Variants in DPP10 observed in about 807,000 individuals in gnomAD.
DPP10 encodes dipeptidyl peptidase like 10, also known as inactive dipeptidyl peptidase 10.
A neutral mutation model predicts 120.9 loss-of-function variants in DPP10; 33 were observed. That is an observed-to-expected ratio of 0.27 (90% CI 0.21 to 0.37). The LOEUF is 0.37. DPP10 is among the 10% of genes least tolerant of loss of function. The pLI is 1.00. For missense variants in DPP10, 816 were observed against 942.8 expected (o/e 0.87, Z 1.76); for synonymous variants, 337 against 326.1 (o/e 1.03, Z -0.36).
intron 1 of DPP10, among the ~76,000 whole-genome samples, chr2:115,249,173 A>T (rs1457214433): frequency 6.6e-6 from 1 of 152,156 alleles, no homozygotes; most frequent in Non-Finnish European, 1.5e-5. Flanking sequence ...CGATACACAG[A>T]TGAATCTGAC....
chr2:115,343,055 CA>C (rs2063527496), intron 2 of DPP10, among the ~76,000 whole-genome samples: 1 of 152,098 alleles, frequency 6.6e-6, no homozygotes, highest in Non-Finnish European at 1.5e-5. Flanking sequence ...AGCAAATAAA[CA>C]ATGTTATTAT....
chr2:114,859,727 G>A (rs976660926), intron 1 of DPP10, among the ~76,000 whole-genome samples: 2 of 152,000 alleles, frequency 1.3e-5, no homozygotes, highest in African/African-American at 4.8e-5. Flanking sequence ...CACCTATCTG[G>A]GATCTTTTTC....
intron 1 of DPP10, among the ~76,000 whole-genome samples, chr2:115,191,487 T>G (rs2054877656): frequency 1.3e-5 from 2 of 152,202 alleles, no homozygotes; most frequent in Admixed American, 6.5e-5. Context: ...TGTAATAGTT[T>G]GAGGCAGAAT....
chr2:114,772,674 T>C (rs1298384956), intron 1 of DPP10, among the ~76,000 whole-genome samples: 2 of 151,496 alleles, frequency 1.3e-5, no homozygotes, highest in Non-Finnish European at 2.9e-5. Context: ...TTTTTTTTTT[T>C]CAGCTAAAGC....
At chr2:115,609,150 G>C (rs551905384) in intron 5 of DPP10, among the ~76,000 whole-genome samples, 6 of 152,110 alleles carry the variant, frequency 3.9e-5, no homozygotes, top group East Asian at 3.9e-4. Flanking sequence ...TCTCAGAAAG[G>C]GTCTTCATAA....
At chr2:115,572,135 T>C (rs1019765378) in intron 5 of DPP10, among the ~76,000 whole-genome samples, 6 of 151,838 alleles carry the variant, frequency 4.0e-5, no homozygotes, top group African/African-American at 1.2e-4. Context: ...CTACATTTTA[T>C]CAAGATTAAA....
At chr2:115,833,690 A>G (rs1004875251) in intron 21 of DPP10, among the ~76,000 whole-genome samples, 2 of 152,194 alleles carry the variant, frequency 1.3e-5, no homozygotes, top group South Asian at 2.1e-4. Context: ...CAAAATTACT[A>G]AAAATATTCT....
At chr2:115,772,860 ATT>A (rs1681641311) in intron 13 of DPP10, among the ~76,000 whole-genome samples, 1 of 152,132 alleles carries the variant, frequency 6.6e-6, no homozygotes, top group Non-Finnish European at 1.5e-5. Context: ...AGTCGTTCAG[ATT>A]CATAGGCGTA....
At chr2:115,219,554 A>G (rs1425086451) in intron 1 of DPP10, among the ~76,000 whole-genome samples, 1 of 152,216 alleles carries the variant, frequency 6.6e-6, no homozygotes, top group Non-Finnish European at 1.5e-5. Context: ...GACAGAAATT[A>G]TAACAATAAA....
intron 1 of DPP10, among the ~76,000 whole-genome samples, chr2:114,884,868 T>G (rs1364864887): frequency 1.3e-5 from 2 of 152,148 alleles, no homozygotes; most frequent in East Asian, 3.9e-4. Flanking sequence ...CCAATACAAG[T>G]TGGAGAGATT....
At chr2:114,455,177 T>TGTGTG (rs1678498188) in intron 1 of DPP10, among the ~76,000 whole-genome samples, 1 of 151,756 alleles carries the variant, frequency 6.6e-6, no homozygotes. Context: ...TGTGTGTGTG[T>TGTGTG]GTGTGTGTGT....
chr2:114,529,347 C>T (rs1685766735), intron 1 of DPP10, among the ~76,000 whole-genome samples: 1 of 152,158 alleles, frequency 6.6e-6, no homozygotes, highest in Non-Finnish European at 1.5e-5. Flanking sequence ...GCTCTTCATC[C>T]TCTAGAGAGT....
At chr2:115,487,046 A>C (rs973020724) in intron 3 of DPP10, among the ~76,000 whole-genome samples, 3 of 152,134 alleles carry the variant, frequency 2.0e-5, no homozygotes, top group African/African-American at 7.2e-5. Context: ...ATCTAACTTT[A>C]TCTTATTTAC....
At chr2:114,473,667 A>C (rs1281265065) in intron 1 of DPP10, among the ~76,000 whole-genome samples, 1 of 152,130 alleles carries the variant, frequency 6.6e-6, no homozygotes, top group East Asian at 1.9e-4. Flanking sequence ...ACCTTAGAGG[A>C]CTCATGAAGT....
chr2:115,617,213 T>G (rs1266522856), intron 5 of DPP10, among the ~76,000 whole-genome samples: 1 of 148,098 alleles, frequency 6.8e-6, no homozygotes, highest in Non-Finnish European at 1.5e-5. Context: ...CCCCCAGTAA[T>G]GCTTAAAACC....
chr2:115,555,274 C>T (rs186917840), intron 5 of DPP10, among the ~76,000 whole-genome samples: 7 of 152,136 alleles, frequency 4.6e-5, no homozygotes, highest in Admixed American at 1.3e-4. Flanking sequence ...TGCCCTCTTA[C>T]GTTTGGAGCT....
chr2:114,852,667 G>A (rs1218131670), intron 1 of DPP10, among the ~76,000 whole-genome samples: 1 of 152,182 alleles, frequency 6.6e-6, no homozygotes, highest in Non-Finnish European at 1.5e-5. Flanking sequence ...GGATATCGTG[G>A]AACAACTGTA....
chr2:115,489,945 C>A (rs2076013232), intron 3 of DPP10, among the ~76,000 whole-genome samples: 1 of 152,052 alleles, frequency 6.6e-6, no homozygotes, highest in South Asian at 2.1e-4. Context: ...CCTTTACAAC[C>A]CCCTTTAATC....
chr2:115,149,851 A>C (rs1475240724), intron 1 of DPP10, among the ~76,000 whole-genome samples: 1 of 152,216 alleles, frequency 6.6e-6, no homozygotes, highest in African/African-American at 2.4e-5. Context: ...TCTGAAACTC[A>C]AATTTAATTG....
Sources: allele counts gnomAD v4.1 joint callset (sites outside exome capture counted in the v4.1 genomes callset), GRCh38; gene constraint gnomAD v4.1.1; transcripts MANE v1.5; gene names NCBI Gene and HGNC (gene_info 2026-07-23, HGNC 2026-07-21).